GPR89A: variants seen among roughly 807,000 people sequenced by gnomAD.
The protein encoded by GPR89A is G protein-coupled receptor 89A.
Under a neutral mutation model 52.0 loss-of-function variants are expected in GPR89A, and 16 were observed. That is an observed-to-expected ratio of 0.31 (90% CI 0.21 to 0.47). The LOEUF (loss-of-function observed/expected upper bound fraction) is 0.47. Ranked by LOEUF, GPR89A falls within the 20% of genes least tolerant of loss-of-function variation. The probability of loss-of-function intolerance (pLI) is 1.00; values close to 1 mark genes in which losing one functional copy is unlikely to be tolerated. For missense variants in GPR89A, 135 were observed against 449.4 expected, an observed-to-expected ratio of 0.30 and a Z score of 6.33; for synonymous variants, 55 against 150.9, an observed-to-expected ratio of 0.36 and a Z score of 4.66.
chr1:145,647,975 A>C (rs1260225848), intron 10 of GPR89A, among the ~76,000 whole-genome samples: 1 of 141,588 alleles, frequency 7.1e-6, no homozygotes, highest in Non-Finnish European at 1.5e-5. Flanking sequence ...ATAACTGTAT[A>C]TATAACTTCA....
chr1:145,614,035 A>G (rs1412878457), intron 1 of GPR89A, among the ~76,000 whole-genome samples: 2 of 152,076 alleles, frequency 1.3e-5, no homozygotes, highest in Non-Finnish European at 2.9e-5. Context: ...GATCTACCCA[A>G]AGTGCTGGGA....
chr1:145,645,668 A>G (rs1650935060), intron 8 of GPR89A: 1 of 453,862 alleles, frequency 2.2e-6, no homozygotes. Flanking sequence ...TTATGTGCAA[A>G]ATGGATAACA....
At chr1:145,659,308 C>T (rs1652025432) in intron 10 of GPR89A, among the ~76,000 whole-genome samples, 1 of 151,946 alleles carries the variant, frequency 6.6e-6, no homozygotes, top group Non-Finnish European at 1.5e-5. Context: ...CCTCAGCGTC[C>T]CAAGTAGCTG....
chr1:145,658,578 G>A (rs1380336713), intron 10 of GPR89A, among the ~76,000 whole-genome samples: 12 of 146,652 alleles, frequency 8.2e-5, no homozygotes, highest in African/African-American at 2.3e-4. Context: ...GCAGTGAGCC[G>A]TGATTGTGCC....
At chr1:145,616,335 A>C (rs1553687022) in intron 2 of GPR89A, 42 bp downstream of exon 2, 1 of 1,537,552 alleles carries the variant, frequency 6.5e-7, no homozygotes, top group East Asian at 2.3e-5. Flanking sequence ...TATATGATTT[A>C]GATTGACAAG....
rs782733283 is a variant in GPR89A, at chr1:145,616,267, A to T, written c.76A>T (p.Met26Leu). The T allele has an allele frequency of 3.7e-6, 6 of 1,611,018 alleles. No homozygotes were observed. In the East Asian group the frequency reaches 1.3e-4, roughly 36 times the overall value. Residue 26 changes from methionine (M) to leucine (L), a missense_variant, in exon 2 of 14, where the codon ATG becomes TTG. Physicochemically the swap from Met to Leu is conservative, Grantham distance 15. This residue lies in a region of GPR89A where 38 missense variants were observed against 40.2 expected (regional missense o/e 0.95). Coordinates refer to ENST00000313835, the MANE Select transcript of GPR89A (RefSeq NM_001097612.2). ...LFFGFGWLFF[M>L]RQLFKDYEIR... ...TTTTGGATTTGGGTGGCTTTTCTTCATGCGCCAATTGTTTAAAGACTATGA... is the reference window on the plus strand; with the variant it reads ...TTTTGGATTTGGGTGGCTTTTCTTCTTGCGCCAATTGTTTAAAGACTATGA...
At chr1:145,641,051 C>T (rs1571508435) in intron 7 of GPR89A, among the ~76,000 whole-genome samples, 2 of 151,860 alleles carry the variant, frequency 1.3e-5, no homozygotes, top group Non-Finnish European at 2.9e-5. Context: ...ATCACTCATA[C>T]GTTGCTGGCA....
At chr1:145,622,976 G>A in intron 3 of GPR89A, 78 bp from the exon 4 acceptor site, 1 of 1,595,366 alleles carries the variant, frequency 6.3e-7, no homozygotes, top group Non-Finnish European at 8.5e-7. Flanking sequence ...AGAGCAAAAG[G>A]ACCCTTTGGA....
chr1:145,615,171 C>A (rs1333044888), intron 1 of GPR89A, among the ~76,000 whole-genome samples: 1 of 152,104 alleles, frequency 6.6e-6, no homozygotes, highest in African/African-American at 2.4e-5. Context: ...ATCCTGCAAT[C>A]TCTCGGCTTT....
At chr1:145,636,559 A>G (rs1184065392) in intron 7 of GPR89A, among the ~76,000 whole-genome samples, 3 of 151,802 alleles carry the variant, frequency 2.0e-5, no homozygotes, top group Non-Finnish European at 4.4e-5. Context: ...GTTAACCTCT[A>G]CCTTGAATTA....
At chr1:145,634,220 T>C (rs1650066030) in intron 7 of GPR89A, among the ~76,000 whole-genome samples, 1 of 151,742 alleles carries the variant, frequency 6.6e-6, no homozygotes. Flanking sequence ...TCTGGGATTA[T>C]AGGTGCGCAC....
At chr1:145,627,606 C>G (rs1559030521) in intron 5 of GPR89A, among the ~76,000 whole-genome samples, 1 of 152,098 alleles carries the variant, frequency 6.6e-6, no homozygotes, top group Non-Finnish European at 1.5e-5. Context: ...GGAAATAAAC[C>G]ACAAACGAAA....
In GPR89A at chr1:145,665,547, T is replaced by G. The variant is rs781827576; in HGVS notation, c.1006-15T>G. The G allele has an allele frequency of 1.8e-6, 2 of 1,094,382 alleles. No individual in the cohort carries two copies. The highest frequency in any genetic ancestry group is 2.8e-6 in the Non-Finnish European group (2 of 709,268). 67.8% of individuals were successfully genotyped at this position (1,094,382 alleles called of 1,614,324 possible). ...ACAGAGATTTAGCAGATATTTTTTC[T>G]TGTTATGGTGGCAGGTGAAGTTTTG... On this transcript the variant is annotated splice_polypyrimidine_tract_variant and intron_variant, in intron 11 of 13. Transcript: ENST00000313835.
chr1:145,642,570 G>A (rs1650725461), intron 7 of GPR89A, among the ~76,000 whole-genome samples: 2 of 152,132 alleles, frequency 1.3e-5, no homozygotes, highest in Admixed American at 6.5e-5. Context: ...TATCATTTTA[G>A]CTAATGGCTC....
intron 10 of GPR89A, among the ~76,000 whole-genome samples, chr1:145,657,032 C>T (rs1422036338): frequency 1.3e-5 from 2 of 151,738 alleles, no homozygotes; most frequent in Admixed American, 1.3e-4. Flanking sequence ...TAGAATAAAC[C>T]TCACTTGGTC....
chr1:145,608,323 G>A (rs1280545821), intron 1 of GPR89A, 148 bp downstream of exon 1: 2 of 1,237,346 alleles, frequency 1.6e-6, no homozygotes, highest in Admixed American at 2.0e-5. Context: ...GAGGGTGTGC[G>A]ATTTGCTGCG....
intron 12 of GPR89A, among the ~76,000 whole-genome samples, chr1:145,666,200 T>C: frequency 6.9e-6 from 1 of 144,410 alleles, no homozygotes; most frequent in Middle Eastern, 3.4e-3. Context: ...GAGTAAGATA[T>C]GGGTCTGTTT....
In GPR89A at chr1:145,656,130, G is replaced by A. The variant is rs1361552332; in HGVS notation, c.910-7199G>A. 1.4e-4 allele frequency among the ~76,000 whole-genome samples: 21 copies of A among 152,116 alleles called. 1 individual carries two copies. Among genetic ancestry groups the A allele is most frequent in the South Asian group, 2.1e-4 (1 of 4,826 alleles). ...CTGGTCCAAACCACCTATTCTCCCCGGCACTGGCAGGGGAAAAGGGCAGAC... is the reference window on the plus strand; with the variant it reads ...CTGGTCCAAACCACCTATTCTCCCCAGCACTGGCAGGGGAAAAGGGCAGAC... On this transcript the variant is annotated intron_variant, in intron 10 of 13. Transcript: ENST00000313835.
intron 10 of GPR89A, among the ~76,000 whole-genome samples, chr1:145,653,293 G>C (rs1430670632): frequency 6.9e-6 from 1 of 145,862 alleles, no homozygotes; most frequent in Non-Finnish European, 1.5e-5. Context: ...TTTTGAGTTA[G>C]TTTCTTAGTC....
Sources: allele counts gnomAD v4.1 joint callset (sites outside exome capture counted in the v4.1 genomes callset), GRCh38; gene constraint gnomAD v4.1.1; regional missense constraint gnomAD v4.1.1; transcripts MANE v1.5; gene names NCBI Gene and HGNC (gene_info 2026-07-23, HGNC 2026-07-21).